The following TUSC3 variants were observed in gnomAD, a reference collection of about 807,000 sequenced individuals.
TUSC3 encodes the protein dolichyl-diphosphooligosaccharide--protein glycosyltransferase subunit TUSC3.
A neutral mutation model predicts 44.8 loss-of-function variants in TUSC3; 45 were observed. The ratio of observed to expected loss-of-function variants is 1.00; its 90% CI spans 0.79 to 1.29. TUSC3 has a LOEUF of 1.29. Among genes scored for constraint, TUSC3 ranks in the 50% most tolerant of loss-of-function variants. TUSC3 has a pLI of 0.00. For missense variants in TUSC3, 519 were observed against 437.9 expected (o/e 1.19, Z -1.65); for synonymous variants, 212 against 152.9 (o/e 1.39, Z -2.85).
chr8:15,693,737 A>T (rs553495864), intron 6 of TUSC3, among the ~76,000 whole-genome samples: 2 of 152,044 alleles, frequency 1.3e-5, no homozygotes, highest in East Asian at 3.9e-4. Context: ...TCTGAAATAC[A>T]CTTTCGAGGT....
intron 7 of TUSC3, among the ~76,000 whole-genome samples, chr8:15,741,889 A>T (rs1384085126): frequency 6.6e-6 from 1 of 152,152 alleles, no homozygotes; most frequent in Non-Finnish European, 1.5e-5. Flanking sequence ...TCTGCTCTAG[A>T]AAACTGAGTT....
intron 2 of TUSC3, among the ~76,000 whole-genome samples, chr8:15,494,171 A>T (rs1800847812): frequency 6.6e-6 from 1 of 151,890 alleles, no homozygotes; most frequent in Admixed American, 6.6e-5. Context: ...CCATTGTCAG[A>T]TACAGTCGAT....
the TUSC3 span, among the ~76,000 whole-genome samples, chr8:15,811,436 GC>G: frequency 6.6e-6 from 1 of 152,188 alleles, no homozygotes; most frequent in African/African-American, 2.4e-5. Flanking sequence ...TAGGGGTCAA[GC>G]CCGGGGGTAG....
the TUSC3 span, among the ~76,000 whole-genome samples, chr8:15,831,142 C>G: frequency 2.0e-5 from 3 of 152,154 alleles, no homozygotes; most frequent in Non-Finnish European, 4.4e-5. Flanking sequence ...GAGCGCAAAA[C>G]AAGTCCCCCA....
intron 1 of TUSC3, among the ~76,000 whole-genome samples, chr8:15,449,550 C>G (rs1351438508): frequency 3.3e-5 from 5 of 152,048 alleles, no homozygotes; most frequent in Non-Finnish European, 5.9e-5. Flanking sequence ...TGGTGGAGGA[C>G]TTTTGAAACT....
chr8:15,665,165 C>G (rs539912274), intron 5 of TUSC3, among the ~76,000 whole-genome samples: 1 of 151,446 alleles, frequency 6.6e-6, no homozygotes, highest in African/African-American at 2.4e-5. Flanking sequence ...CTTACACAAA[C>G]TCTGATGAAA....
rs913923374 is a variant in TUSC3, at chr8:15,448,145, G to C, written n.91+30840G>C. 6.3e-4 allele frequency among the ~76,000 whole-genome samples: 9 copies of C among 14,342 alleles called. 1 individual carries two copies. The highest frequency in any genetic ancestry group is 1.1e-3 in the African/African-American group (9 of 7,912). 9.4% of individuals were successfully genotyped at this position (14,342 alleles called of 152,430 possible). On this transcript the variant is annotated intron_variant and non_coding_transcript_variant, in intron 1 of 5. Transcript: ENST00000503191. ...TTTATTTATTTATTTTTTAGATGGA[G>C]TCTTGCTCTGTCATCCAGGCTAGAG... is the stretch of plus-strand genomic sequence containing the variant.
intron 1 of TUSC3, among the ~76,000 whole-genome samples, chr8:15,445,322 T>A (rs1052190643): frequency 6.6e-6 from 1 of 152,142 alleles, no homozygotes; most frequent in African/African-American, 2.4e-5. Flanking sequence ...TTTATTTTTT[T>A]TTTTTTTAGT....
intron 9 of TUSC3, among the ~76,000 whole-genome samples, chr8:15,757,171 G>A (rs933041539): frequency 6.6e-6 from 1 of 152,126 alleles, no homozygotes; most frequent in Non-Finnish European, 1.5e-5. Context: ...AGGTATCGCA[G>A]TTCCAATTCT....
chr8:15,539,079 T>C (rs997318893), upstream of TUSC3, among the ~76,000 whole-genome samples: 3 of 151,742 alleles, frequency 2.0e-5, no homozygotes, highest in Non-Finnish European at 4.4e-5. Context: ...TCTCCAACTC[T>C]TGGACACAAG....
chr8:15,465,005 A>T (rs1413131123), intron 1 of TUSC3, among the ~76,000 whole-genome samples: 1 of 152,066 alleles, frequency 6.6e-6, no homozygotes, highest in Non-Finnish European at 1.5e-5. Context: ...ACCTGCCACC[A>T]TGCCCAGCTA....
chr8:15,802,014 A>G, the TUSC3 span, among the ~76,000 whole-genome samples: 106 of 152,244 alleles, frequency 7.0e-4, no homozygotes, highest in African/African-American at 2.5e-3. Flanking sequence ...GTTCTTCGAG[A>G]AGAATCTTGG....
intron 2 of TUSC3, among the ~76,000 whole-genome samples, chr8:15,511,054 A>G (rs531992673): frequency 6.6e-6 from 1 of 152,332 alleles, no homozygotes; most frequent in South Asian, 2.1e-4. Flanking sequence ...CAAGCTAGGA[A>G]TAGAAGATAA....
At chr8:15,811,039 G>T in the TUSC3 span, among the ~76,000 whole-genome samples, 1 of 152,054 alleles carries the variant, frequency 6.6e-6, no homozygotes, top group Non-Finnish European at 1.5e-5. Context: ...CTCATCAGCA[G>T]AGAGTGAGGA....
intron 1 of TUSC3, among the ~76,000 whole-genome samples, chr8:15,429,587 T>C (rs1799847476): frequency 6.6e-6 from 1 of 151,702 alleles, no homozygotes; most frequent in South Asian, 2.1e-4. Flanking sequence ...TTTCATGATA[T>C]TGATTCTTCC....
intron 1 of TUSC3, among the ~76,000 whole-genome samples, chr8:15,540,968 C>T (rs982623908): frequency 3.9e-5 from 6 of 152,202 alleles, no homozygotes; most frequent in Admixed American, 3.9e-4. Flanking sequence ...CCCTTCATTA[C>T]CCATTTCAAG....
At chr8:15,796,989 C>T in the TUSC3 span, among the ~76,000 whole-genome samples, 36 of 152,212 alleles carry the variant, frequency 2.4e-4, no homozygotes, top group African/African-American at 8.4e-4. Context: ...GGTAGAGAAG[C>T]TGTCTGCATT....
Position 15,765,418 on chromosome 8 carries a change from G to C in TUSC3, c.*1262G>C, listed in dbSNP as rs1812300290. 1.3e-5 allele frequency: 2 copies of C among 151,988 alleles called. No homozygotes were observed. The highest frequency in any genetic ancestry group is 4.1e-4 in the South Asian group (2 of 4,834). 9.4% of individuals were successfully genotyped at this position (151,988 alleles called of 1,614,324 possible). A position where few individuals can be genotyped will look rare whatever the true frequency, so the allele number is the denominator to read the frequency against. ...ATTAAGATTTGAGTAACAGACCATG[G>C]AGAATTGTTTTCATTGGGAGTTCCA... On this transcript the variant is annotated 3_prime_UTR_variant, in exon 11 of 11. Coordinates refer to ENST00000503731, the MANE Select transcript of TUSC3 (RefSeq NM_006765.4).
At chr8:15,556,132 A>C in intron 1 of TUSC3, among the ~76,000 whole-genome samples, 1 of 147,528 alleles carries the variant, frequency 6.8e-6, no homozygotes. Context: ...CATTAGGTAA[A>C]TCTCCCAGTG....
Sources: allele counts gnomAD v4.1 joint callset (sites outside exome capture counted in the v4.1 genomes callset), GRCh38; gene constraint gnomAD v4.1.1; transcripts MANE v1.5; gene names NCBI Gene and HGNC (gene_info 2026-07-23, HGNC 2026-07-21).